Variants in DCLK1 observed in about 807,000 individuals in gnomAD.
DCLK1 encodes doublecortin like kinase 1, also known as serine/threonine-protein kinase DCLK1.
A neutral mutation model predicts 86.2 loss-of-function variants in DCLK1; 16 were observed. The ratio of observed to expected loss-of-function variants is 0.19; its 90% CI spans 0.13 to 0.28. The LOEUF (loss-of-function observed/expected upper bound fraction) is 0.28. Ranked by LOEUF, DCLK1 falls within the 10% of genes least tolerant of loss-of-function variation. The probability of loss-of-function intolerance (pLI) is 1.00; values close to 1 mark genes in which losing one functional copy is unlikely to be tolerated. For missense variants in DCLK1, 590 were observed against 940.2 expected (o/e 0.63, Z 4.87); for synonymous variants, 369 against 370.5 (o/e 1.00, Z 0.05).
chr13:36,042,771 A>G (rs1882740972), intron 3 of DCLK1, among the ~76,000 whole-genome samples: 1 of 152,248 alleles, frequency 6.6e-6, no homozygotes, highest in Admixed American at 6.5e-5. Flanking sequence ...GGATCATAAC[A>G]GAAACTCAAG....
intron 4 of DCLK1, among the ~76,000 whole-genome samples, chr13:35,914,332 AATAT>A (rs1235635206): frequency 0.56 from 40,121 of 71,624 alleles, 8,631 homozygotes; most frequent in Non-Finnish European, 0.65. Flanking sequence ...AAAAAAAAAA[AATAT>A]ATATATATAT....
Position 35,837,724 on chromosome 13 carries a change from T to TAAAAAAA in DCLK1, c.1120+1367_1120+1368insTTTTTTT, listed in dbSNP as rs1301315888. Among the ~76,000 whole-genome samples the TAAAAAAA allele has an allele frequency of 6.6e-5, 10 of 152,122 alleles. 1 individual carries two copies. Among genetic ancestry groups the TAAAAAAA allele is most frequent in the Admixed American group, 1.3e-4 (2 of 15,266 alleles). ...TTCAAAGCACGTGGCTTGGGATTTTTTTTCCTTGACTATTCATAAAAGGTA... is the reference window on the plus strand; with the variant it reads ...TTCAAAGCACGTGGCTTGGGATTTTTAAAAAAATTTCCTTGACTATTCATAAAAGGTA... On this transcript the variant is annotated intron_variant, in intron 7 of 16. Transcript: ENST00000360631.
intron 3 of DCLK1, among the ~76,000 whole-genome samples, chr13:36,070,759 A>G (rs558297529): frequency 1.3e-5 from 2 of 152,104 alleles, no homozygotes; most frequent in East Asian, 3.9e-4. Flanking sequence ...CTCTTGCCTC[A>G]GCCTCCTGAG....
chr13:35,852,727 C>G (rs141252969), intron 6 of DCLK1, among the ~76,000 whole-genome samples: 1 of 152,100 alleles, frequency 6.6e-6, no homozygotes, highest in Non-Finnish European at 1.5e-5. Flanking sequence ...GCAGAAGAAG[C>G]GAATTCTAGC....
rs114339286 is a variant in DCLK1 at position 36,101,275 on chromosome 13, C to T, written c.723+10594G>A. Among the ~76,000 whole-genome samples, 1,066 of 152,318 alleles carry T rather than the reference C, an allele frequency of 7.0e-3. 12 individuals are homozygous for T. The highest frequency in any genetic ancestry group is 0.024 in the African/African-American group (1,003 of 41,566). Reference sequence around the variant, plus strand: ...TCAGCCTTCCTGACTCTTTAACCTACGTTTATTCTCCATACAGGAAGCCAT... The same window carrying T: ...TCAGCCTTCCTGACTCTTTAACCTATGTTTATTCTCCATACAGGAAGCCAT... On this transcript the variant is annotated intron_variant, in intron 3 of 16. Transcript: ENST00000360631.
intron 5 of DCLK1, among the ~76,000 whole-genome samples, chr13:35,865,897 G>A (rs940603746): frequency 1.3e-5 from 2 of 152,178 alleles, no homozygotes; most frequent in Non-Finnish European, 2.9e-5. Flanking sequence ...TGGAACGCTG[G>A]TGCCAAGGGA....
intron 3 of DCLK1, among the ~76,000 whole-genome samples, chr13:36,093,640 A>G (rs1884910425): frequency 6.6e-6 from 1 of 152,226 alleles, no homozygotes; most frequent in Admixed American, 6.5e-5. Flanking sequence ...TCACCTGACT[A>G]CAATCCATGT....
intron 3 of DCLK1, among the ~76,000 whole-genome samples, chr13:36,038,725 T>C (rs1882596150): frequency 6.6e-6 from 1 of 152,216 alleles, no homozygotes; most frequent in Admixed American, 6.5e-5. Context: ...CTAAGCGCTA[T>C]GACAAGCACA....
intron 3 of DCLK1, among the ~76,000 whole-genome samples, chr13:36,033,510 G>T (rs1191677356): frequency 2.0e-5 from 3 of 152,098 alleles, no homozygotes; most frequent in African/African-American, 7.2e-5. Context: ...CTCAATATTG[G>T]TGTGACTCCC....
At chr13:35,782,894 C>T (rs1422621313) in intron 16 of DCLK1, among the ~76,000 whole-genome samples, 1 of 152,244 alleles carries the variant, frequency 6.6e-6, no homozygotes, top group East Asian at 1.9e-4. Context: ...GTGCAAGCCA[C>T]ATGTTTCTCT....
At chr13:35,921,189 G>A (rs1407988105) in intron 4 of DCLK1, among the ~76,000 whole-genome samples, 4 of 152,118 alleles carry the variant, frequency 2.6e-5, no homozygotes, top group African/African-American at 4.8e-5. Context: ...TCCGTAAAAT[G>A]GCTTTAGAAG....
intron 5 of DCLK1, among the ~76,000 whole-genome samples, chr13:35,861,371 AC>A (rs1347596168): frequency 2.6e-5 from 4 of 152,146 alleles, no homozygotes; most frequent in African/African-American, 4.8e-5. Flanking sequence ...GGAATTGGGG[AC>A]CACAAGCACC....
chr13:35,794,907 C>T (rs930588475), intron 15 of DCLK1, among the ~76,000 whole-genome samples: 2 of 152,146 alleles, frequency 1.3e-5, no homozygotes, highest in Non-Finnish European at 2.9e-5. Context: ...GAAGTGCCGA[C>T]CTTGTCAAGG....
intron 3 of DCLK1, among the ~76,000 whole-genome samples, chr13:35,968,767 GA>G (rs540040866): frequency 1.6e-3 from 230 of 147,660 alleles, no homozygotes; most frequent in South Asian, 0.012. Flanking sequence ...CTTTCTAAGA[GA>G]AAAAAAAAAT....
At chr13:36,086,292 G>C (rs1402310666) in intron 3 of DCLK1, among the ~76,000 whole-genome samples, 5 of 152,054 alleles carry the variant, frequency 3.3e-5, no homozygotes, top group African/African-American at 1.2e-4. Flanking sequence ...TCTGGAGTCT[G>C]CTCTGTACCA....
intron 8 of DCLK1, among the ~76,000 whole-genome samples, chr13:35,831,162 C>A (rs1868929750): frequency 1.3e-5 from 2 of 152,160 alleles, no homozygotes; most frequent in African/African-American, 4.8e-5. Context: ...TAGGATTAAA[C>A]CTTCCATTAC....
chr13:36,116,023 C>A (rs1486035895), intron 2 of DCLK1, among the ~76,000 whole-genome samples: 2 of 151,694 alleles, frequency 1.3e-5, no homozygotes, highest in Non-Finnish European at 2.9e-5. Flanking sequence ...GATCTCAGCT[C>A]ACTGCAACCT....
intron 8 of DCLK1, among the ~76,000 whole-genome samples, chr13:35,830,129 T>C (rs1198863202): frequency 6.6e-6 from 1 of 152,192 alleles, no homozygotes; most frequent in Non-Finnish European, 1.5e-5. Flanking sequence ...CTCATGCCTA[T>C]AATCCCAGCA....
intron 4 of DCLK1, among the ~76,000 whole-genome samples, chr13:35,901,434 G>A (rs892306892): frequency 2.2e-5 from 3 of 136,706 alleles, no homozygotes; most frequent in Non-Finnish European, 4.6e-5. Flanking sequence ...AGGTTGCAGC[G>A]AGCTGGGATT....
Sources: gnomAD v4.1 joint callset for allele counts (sites outside exome capture counted in the v4.1 genomes callset) on GRCh38, gnomAD v4.1.1 for gene constraint, MANE v1.5 for transcripts, NCBI Gene and HGNC (gene_info 2026-07-23, HGNC 2026-07-21) for gene names.